The following DSP variants were observed in gnomAD, a reference collection of about 807,000 sequenced individuals.
DSP encodes the protein desmoplakin.
In DSP, 114 loss-of-function variants were observed where a neutral mutation model predicts 290.6. The observed-to-expected ratio is 0.39, with a 90% CI of 0.34 to 0.46. DSP has a LOEUF of 0.46. Ranked by LOEUF, DSP falls within the 20% of genes least tolerant of loss-of-function variation. The pLI, the probability that DSP is intolerant of heterozygous loss-of-function variation, is 0.99. For synonymous variants in DSP, 1,311 were observed against 1,316.4 expected (o/e 1.00, Z 0.09); for missense variants, 3,230 against 3,495.8 (o/e 0.92, Z 1.92).
rs542961002 is a variant in DSP at position 7,558,076 on chromosome 6, G to C, written c.274-40G>C. On this transcript the variant is annotated intron_variant, in intron 2 of 23. Transcript: ENST00000379802. ...TAATGCCCATGAAGGTTTTCTTCCT[G>C]GTAGTATGTGTTTTCCTTCATGTGA... The C allele has an allele frequency of 8.7e-6, 14 of 1,613,308 alleles. No homozygotes were observed. The African/African-American group carries it at 1.1e-4, about 12-fold the overall frequency.
chr6:7,570,439 T>C lies in DSP; in HGVS notation c.1577T>C (p.Ile526Thr), dbSNP rs1561689358. The C allele has an allele frequency of 9.3e-6, 15 of 1,614,162 alleles. No homozygotes were observed. Among genetic ancestry groups the C allele is most frequent in the Non-Finnish European group, 1.3e-5 (15 of 1,180,028 alleles). ...TGTTTTCCCTTTGTGCCTCTTAGGA[T>C]TGAGCAGTACTACGAAGCCATCTTG... ...NPLAVDLSCK[I>T]EQYYEAILAL... The change falls in exon 13 of 24, where the codon ATT becomes ACT. Residue 526 changes from isoleucine to threonine, a missense_variant and splice_region_variant. Transcript: ENST00000379802.
chr6:7,567,753 AT>A (rs1401446111), intron 9 of DSP, 27 bp from the exon 10 acceptor site: 2 of 1,613,738 alleles, frequency 1.2e-6, no homozygotes, highest in Non-Finnish European at 1.7e-6. Context: ...GTTGCTGTTC[AT>A]TCACTGATCA....
rs1305394893 is a variant in DSP, at chr6:7,563,795, AT to A, written c.777+12del. On this transcript the variant is annotated intron_variant, in intron 6 of 23. Coordinates refer to ENST00000379802, the MANE Select transcript of DSP (RefSeq NM_004415.4). ...AGTATGAAAACCTGCTGGTAAGCTGATTTATTTCTCAAGTGCATCGACTTTC... is the reference window on the plus strand; with the variant it reads ...AGTATGAAAACCTGCTGGTAAGCTGATTATTTCTCAAGTGCATCGACTTTC... 1 of 1,612,516 alleles carries A rather than the reference AT, an allele frequency of 6.2e-7. No homozygotes were observed. The highest frequency in any genetic ancestry group is 8.5e-7 in the Non-Finnish European group (1 of 1,178,480).
At position 7,565,479 on chromosome 6, in the gene DSP, G is replaced by A. The variant is rs759084237; in HGVS notation, c.898G>A (p.Asp300Asn). 1.2e-6 allele frequency: 2 copies of A among 1,614,022 alleles called. No individual in the cohort carries two copies. The highest frequency in any genetic ancestry group is 8.5e-7 in the Non-Finnish European group (1 of 1,179,944). ...GGAGGAGCTGCTGTACGACTGGAGC[G>A]ACAAGAACACCAACATCGCTCAGAA... ...EEEELLYDWS[D>N]KNTNIAQKQE... Residue 300 changes from aspartate to asparagine, a missense_variant, in exon 7 of 24, where the codon GAC (aspartate) becomes AAC (asparagine). By Grantham distance (23) the Asp-to-Asn change is conservative. This residue lies in a region of DSP where 646 missense variants were observed against 684.3 expected (regional missense o/e 0.94). Transcript: ENST00000379802. This position sits in a 1 kb window ranked among gnomAD's most constrained non-coding sequence, Gnocchi z 4.2.
chr6:7,553,902 C>G (rs1758412178), intron 1 of DSP, among the ~76,000 whole-genome samples: 1 of 152,132 alleles, frequency 6.6e-6, no homozygotes, highest in Admixed American at 6.6e-5. Context: ...GTTGGGGAGC[C>G]TTGCCTGCAG....
In DSP at chr6:7,555,798, G is replaced by C; in HGVS notation, c.251G>C (p.Arg84Pro). Residue 84 changes from arginine (R) to proline (P), a missense_variant, in exon 2 of 24, where the codon CGA becomes CCA. By Grantham distance (103) the Arg-to-Pro change is moderately radical. Coordinates refer to ENST00000379802, the MANE Select transcript of DSP (RefSeq NM_004415.4). ...LLQNCSDCLMRAELIVQPELK... is the reference protein window; with the variant it reads ...LLQNCSDCLMPAELIVQPELK... ...CAGAACTGCTCCGACTGCTTGATGC[G>C]AGCAGAGCTCATCGTGCAGCCTGTA... 6.2e-7 allele frequency: 1 copy of C among 1,614,138 alleles called. No homozygotes were observed. The highest frequency in any genetic ancestry group is 8.5e-7 in the Non-Finnish European group (1 of 1,180,012).
In DSP at chr6:7,541,955, C is replaced by A. The variant is rs1282398925; in HGVS notation, c.40C>A (p.Leu14Met). The A allele has an allele frequency of 6.2e-7, 1 of 1,609,086 alleles. No homozygotes were observed. The highest frequency in any genetic ancestry group is 1.3e-5 in the African/African-American group (1 of 74,886). The change falls in exon 1 of 24, where the codon CTG becomes ATG. Residue 14 changes from leucine to methionine, a missense_variant. By Grantham distance (15) the Leu-to-Met change is conservative (BLOSUM62 2). Coordinates refer to ENST00000379802, the MANE Select transcript of DSP (RefSeq NM_004415.4). Reference protein sequence around the residue: ...NGGSHPRINTLGRMIRAESGP... With the variant: ...NGGSHPRINTMGRMIRAESGP... ...AGGCTCCCACCCGCGGATCAACACT[C>A]TGGGCCGCATGATCCGCGCCGAGTC...
rs140474226 is a variant in DSP, at chr6:7,580,370, C to T, written c.4180C>T (p.Gln1394Ter). Residue 1394 changes from glutamine to a stop codon, truncating the protein, a stop_gained, in exon 23 of 24, where the codon CAG becomes TAG. Transcript: ENST00000379802. LOFTEE classifies it high-confidence loss of function. The surrounding 1 kb of genome is among the most constrained non-coding windows in gnomAD (Gnocchi z 4.2). Reference sequence around the variant, plus strand: ...AGAGGATACCAGTGGCTACCGGGCTCAGATAGACAATCTCACCCGAGAAAA... The same window carrying T: ...AGAGGATACCAGTGGCTACCGGGCTTAGATAGACAATCTCACCCGAGAAAA... ...KEEDTSGYRA[Q>*]IDNLTRENRS... 1.9e-6 allele frequency: 3 copies of T among 1,614,094 alleles called. No homozygotes were observed. The highest frequency in any genetic ancestry group is 2.5e-6 in the Non-Finnish European group (3 of 1,180,026).
chr6:7,562,539 T>C (rs1758727395), intron 4 of DSP, 113 bp from the exon 5 acceptor site: 1 of 1,569,082 alleles, frequency 6.4e-7, no homozygotes. Context: ...TCAAAAATAC[T>C]CCATATTTAC....
At chr6:7,568,323 A>C (rs1758924491) in intron 10 of DSP, 114 bp from the exon 11 acceptor site, 2 of 1,175,310 alleles carry the variant, frequency 1.7e-6, no homozygotes, top group Non-Finnish European at 2.5e-6. Context: ...TTTACAATTG[A>C]TGCAACTGCA....
chr6:7,565,347 C>T lies in DSP; in HGVS notation c.778-12C>T, dbSNP rs1442052300. ...TTGTTATTTTAATGCTGCCTTTGAA[C>T]CTCCTGTGCAGAAAGCGTCCTTTGA... is the stretch of plus-strand genomic sequence containing the variant. On this transcript the variant is annotated splice_polypyrimidine_tract_variant and intron_variant, in intron 6 of 23. Coordinates refer to ENST00000379802, the MANE Select transcript of DSP (RefSeq NM_004415.4). The surrounding 1 kb of genome is among the most constrained non-coding windows in gnomAD (Gnocchi z 4.2). 1.9e-6 allele frequency: 3 copies of T among 1,613,840 alleles called. No homozygotes were observed. The highest frequency in any genetic ancestry group is 2.5e-6 in the Non-Finnish European group (3 of 1,179,972).
In DSP at chr6:7,565,461, C is replaced by G; in HGVS notation, c.880C>G (p.Leu294Val). 6.2e-7 allele frequency: 1 copy of G among 1,614,108 alleles called. No individual in the cohort carries two copies. The highest frequency in any genetic ancestry group is 8.5e-7 in the Non-Finnish European group (1 of 1,179,994). Residue 294 changes from leucine to valine, a missense_variant, in exon 7 of 24, where the codon CTG becomes GTG. Around this residue, in one of 5 missense-constraint regions of DSP, gnomAD observed 646 missense variants for 684.3 expected, o/e 0.94. Coordinates refer to ENST00000379802, the MANE Select transcript of DSP (RefSeq NM_004415.4). The surrounding 1 kb of genome is among the most constrained non-coding windows in gnomAD (Gnocchi z 4.2). ...MWINDCEEEE[L>V]LYDWSDKNTN... ...GATCAATGACTGCGAGGAGGAGGAG[C>G]TGCTGTACGACTGGAGCGACAAGAA...
chr6:7,542,989 C>T (rs547355929), intron 1 of DSP, among the ~76,000 whole-genome samples: 3 of 152,290 alleles, frequency 2.0e-5, no homozygotes, highest in African/African-American at 7.2e-5. Flanking sequence ...GCCTAGGCGC[C>T]CCGGGAAGAC....
At position 7,579,420 on chromosome 6, in the gene DSP, C is replaced by G. The variant is rs1257696096; in HGVS notation, c.3230C>G (p.Ala1077Gly). 3 of 1,614,112 alleles carry G rather than the reference C, an allele frequency of 1.9e-6. No individual in the cohort carries two copies. The highest frequency in any genetic ancestry group is 2.5e-6 in the Non-Finnish European group (3 of 1,180,034). ...AECSQFKAKL[A>G]SLEELKRQAE... ...TGTTCCCAGTTCAAAGCGAAGCTTG[C>G]GAGCCTGGAGGAGCTGAAGAGACAG... Residue 1077 changes from alanine (A) to glycine (G), a missense_variant, in exon 23 of 24, where the codon GCG (alanine) becomes GGG (glycine). Transcript: ENST00000379802. This position sits in a 1 kb window ranked among gnomAD's most constrained non-coding sequence, Gnocchi z 4.1.
intron 13 of DSP, 141 bp downstream of exon 13, chr6:7,570,704 A>G: frequency 8.2e-7 from 1 of 1,218,850 alleles, no homozygotes; most frequent in East Asian, 2.4e-5. Context: ...CCCTCCTTAG[A>G]GGTTCTGGTC....
At position 7,583,124 on chromosome 6, in the gene DSP, G is replaced by T; in HGVS notation, c.5862G>T (p.Gln1954His). 1 of 1,614,116 alleles carries T rather than the reference G, an allele frequency of 6.2e-7. No individual in the cohort carries two copies. Among genetic ancestry groups the T allele is most frequent in the Non-Finnish European group, 8.5e-7 (1 of 1,180,020 alleles). The change falls in exon 24 of 24, where the codon CAG becomes CAT. Residue 1954 changes from glutamine to histidine, a missense_variant. Coordinates refer to ENST00000379802, the MANE Select transcript of DSP (RefSeq NM_004415.4). The surrounding 1 kb of genome is among the most constrained non-coding windows in gnomAD (Gnocchi z 4.0). ...QRPYGSHRET[Q>H]TECEWTVDTS... ...CATATGGGTCCCATCGAGAGACCCAGACTGAGTGTGAGTGGACCGTTGACA... is the reference window on the plus strand; with the variant it reads ...CATATGGGTCCCATCGAGAGACCCATACTGAGTGTGAGTGGACCGTTGACA...
intron 10 of DSP, 143 bp from the exon 11 acceptor site, chr6:7,568,294 G>A: frequency 1.1e-6 from 1 of 927,712 alleles, no homozygotes; most frequent in Non-Finnish European, 1.7e-6. Flanking sequence ...CATGTTTCCT[G>A]CCGACGAATT....
chr6:7,565,597 T>C lies in DSP; in HGVS notation c.939+77T>C. 6.4e-7 allele frequency: 1 copy of C among 1,562,318 alleles called. No homozygotes were observed. The highest frequency in any genetic ancestry group is 8.8e-7 in the Non-Finnish European group (1 of 1,136,416). On this transcript the variant is annotated intron_variant, in intron 7 of 23. Coordinates refer to ENST00000379802, the MANE Select transcript of DSP (RefSeq NM_004415.4). The surrounding 1 kb of genome is among the most constrained non-coding windows in gnomAD (Gnocchi z 4.2). ...AAGAGCTGGGGTCTCGGGGAATGAT[T>C]GGTCTATTAATAATTTAATCAGCCA...
At position 7,579,488 on chromosome 6, in the gene DSP, T is replaced by A; in HGVS notation, c.3298T>A (p.Cys1100Ser). ...GKSAKQNLDK[C>S]YGQIKELNEK... ...GTCGGCTAAGCAAAATCTAGACAAG[T>A]GCTACGGCCAAATAAAAGAACTCAA... is the stretch of plus-strand genomic sequence containing the variant. The change falls in exon 23 of 24, where the codon TGC becomes AGC. Residue 1100 changes from cysteine to serine, a missense_variant. Cys to Ser is a moderately radical substitution (Grantham distance 112, BLOSUM62 -1). Transcript: ENST00000379802. This position sits in a 1 kb window ranked among gnomAD's most constrained non-coding sequence, Gnocchi z 4.1. 1 of 1,613,950 alleles carries A rather than the reference T, an allele frequency of 6.2e-7. No individual in the cohort carries two copies. Among genetic ancestry groups the A allele is most frequent in the Non-Finnish European group, 8.5e-7 (1 of 1,180,028 alleles).
Sources: allele counts gnomAD v4.1 joint callset (sites outside exome capture counted in the v4.1 genomes callset), GRCh38; gene constraint gnomAD v4.1.1; regional missense constraint gnomAD v4.1.1; non-coding constraint Gnocchi (gnomAD v3.1); transcripts MANE v1.5; gene names NCBI Gene and HGNC (gene_info 2026-07-23, HGNC 2026-07-21).